CLVS1: variants seen among roughly 807,000 people sequenced by gnomAD.
CLVS1 encodes the protein clavesin 1.
CLVS1 carries 10 observed loss-of-function variants against 33.1 expected under a neutral mutation model. That is an observed-to-expected ratio of 0.30 (90% CI 0.19 to 0.51). CLVS1 has a LOEUF of 0.51. CLVS1 is among the 20% of genes least tolerant of loss of function. The pLI, the probability that CLVS1 is intolerant of heterozygous loss-of-function variation, is 0.97. For missense variants in CLVS1, 343 were observed against 433.4 expected (o/e 0.79, Z 1.85); for synonymous variants, 163 against 166.1 (o/e 0.98, Z 0.14).
At chr8:61,234,599 G>A (rs143799561) in intron 2 of CLVS1, among the ~76,000 whole-genome samples, 87 of 152,312 alleles carry the variant, frequency 5.7e-4, no homozygotes, top group African/African-American at 1.7e-3. Context: ...CACCCTAGGA[G>A]ATGAGGGAAT....
intron 2 of CLVS1, among the ~76,000 whole-genome samples, chr8:61,245,022 G>T (rs1808777244): frequency 6.6e-6 from 1 of 151,808 alleles, no homozygotes; most frequent in Admixed American, 6.6e-5. Context: ...ATATCTTTCT[G>T]GTATATCCAG....
intron 2 of CLVS1, among the ~76,000 whole-genome samples, chr8:61,330,737 G>T (rs57290263): frequency 0.024 from 3,647 of 151,994 alleles, 134 homozygotes; most frequent in East Asian, 0.18. Context: ...CTATTTTCTG[G>T]ATCCCATGGC....
intron 5 of CLVS1, among the ~76,000 whole-genome samples, chr8:61,489,025 T>A (rs1484374876): frequency 1.3e-5 from 2 of 152,254 alleles, no homozygotes; most frequent in East Asian, 1.9e-4. Flanking sequence ...GTGAATGCAG[T>A]ACATTTAGAA....
At chr8:61,163,334 T>TAA (rs1189045477) in intron 2 of CLVS1, among the ~76,000 whole-genome samples, 2 of 152,108 alleles carry the variant, frequency 1.3e-5, no homozygotes, top group African/African-American at 4.8e-5. Context: ...ATTCTAAACT[T>TAA]AAAAAAATTA....
intron 3 of CLVS1, among the ~76,000 whole-genome samples, chr8:61,442,845 G>T (rs552933910): frequency 6.6e-6 from 1 of 152,080 alleles, no homozygotes; most frequent in South Asian, 2.1e-4. Context: ...TGATCCGCCC[G>T]CGTTGGCCTC....
chr8:61,081,595 C>T (rs1176862987), intron 1 of CLVS1, among the ~76,000 whole-genome samples: 3 of 152,124 alleles, frequency 2.0e-5, no homozygotes, highest in Non-Finnish European at 4.4e-5. Flanking sequence ...GTATCCTGGT[C>T]TCCAGAGATG....
intron 1 of CLVS1, among the ~76,000 whole-genome samples, chr8:61,084,076 T>C (rs1179501179): frequency 1.3e-5 from 2 of 152,242 alleles, no homozygotes; most frequent in African/African-American, 4.8e-5. Context: ...AATAACATCC[T>C]TAGGCTACTG....
intron 2 of CLVS1, among the ~76,000 whole-genome samples, chr8:61,356,343 A>C (rs1210643052): frequency 6.6e-6 from 1 of 151,436 alleles, no homozygotes; most frequent in Non-Finnish European, 1.5e-5. Flanking sequence ...GGTTGTGAAA[A>C]TTTTCTCCCA....
At chr8:61,155,310 T>C (rs1270431657) in intron 2 of CLVS1, among the ~76,000 whole-genome samples, 1 of 152,178 alleles carries the variant, frequency 6.6e-6, no homozygotes, top group Admixed American at 6.5e-5. Context: ...CTGCACTATT[T>C]GACAAACAAC....
intron 2 of CLVS1, among the ~76,000 whole-genome samples, chr8:61,200,705 G>A (rs534405697): frequency 1.3e-5 from 2 of 152,268 alleles, no homozygotes; most frequent in East Asian, 3.9e-4. Context: ...TTTTACTAAT[G>A]ATGTGAGATA....
At chr8:61,480,117 C>T (rs1017784405) in intron 5 of CLVS1, among the ~76,000 whole-genome samples, 12 of 152,358 alleles carry the variant, frequency 7.9e-5, no homozygotes, top group Non-Finnish European at 1.3e-4. Flanking sequence ...AGCTGTCAGA[C>T]GGGGACATTT....
At chr8:60,993,269 C>T in the CLVS1 span, among the ~76,000 whole-genome samples, 1 of 152,220 alleles carries the variant, frequency 6.6e-6, no homozygotes. Context: ...AGCCTCTCCC[C>T]ACCCTACACA....
chr8:61,387,584 G>T (rs974157004), intron 3 of CLVS1, among the ~76,000 whole-genome samples: 5 of 149,684 alleles, frequency 3.3e-5, no homozygotes, highest in African/African-American at 1.2e-4. Context: ...CATCACCCGA[G>T]CAGTGTACAC....
the CLVS1 span, among the ~76,000 whole-genome samples, chr8:61,005,195 T>C: frequency 3.9e-5 from 6 of 152,218 alleles, no homozygotes; most frequent in African/African-American, 7.2e-5. Flanking sequence ...ATTCATGGGA[T>C]CCAGCATGGA....
At chr8:61,054,789 T>C (rs147119037), upstream of CLVS1, among the ~76,000 whole-genome samples, 91 of 152,284 alleles carry the variant, frequency 6.0e-4, 1 homozygote, top group Non-Finnish European at 1.1e-3. Flanking sequence ...GAGTCACCCA[T>C]GGGAAGAGCT....
At chr8:61,235,748 A>G (rs1015562774) in intron 2 of CLVS1, among the ~76,000 whole-genome samples, 1 of 152,226 alleles carries the variant, frequency 6.6e-6, no homozygotes, top group East Asian at 1.9e-4. Flanking sequence ...AGGTTAATAT[A>G]TGAATGCCTT....
At chr8:61,252,909 A>G (rs1297434088) in intron 2 of CLVS1, among the ~76,000 whole-genome samples, 2 of 152,192 alleles carry the variant, frequency 1.3e-5, no homozygotes, top group Admixed American at 6.5e-5. Flanking sequence ...GGGGCATTTT[A>G]TCACATTTAC....
At chr8:61,140,780 A>G (rs1332040339) in intron 2 of CLVS1, among the ~76,000 whole-genome samples, 1 of 151,878 alleles carries the variant, frequency 6.6e-6, no homozygotes, top group Non-Finnish European at 1.5e-5. Context: ...GTTAGCCAGG[A>G]TGGTCTCGAT....
intron 1 of CLVS1, among the ~76,000 whole-genome samples, chr8:61,063,113 A>G (rs1458298138): frequency 6.6e-6 from 1 of 152,208 alleles, no homozygotes; most frequent in Non-Finnish European, 1.5e-5. Context: ...CTAGAGCCAG[A>G]GATCTTAAAA....
Sources: gnomAD v4.1 joint callset for allele counts (sites outside exome capture counted in the v4.1 genomes callset) on GRCh38, gnomAD v4.1.1 for gene constraint, MANE v1.5 for transcripts, NCBI Gene and HGNC (gene_info 2026-07-23, HGNC 2026-07-21) for gene names.